MAGI1: variants seen among roughly 807,000 people sequenced by gnomAD.
MAGI1 encodes membrane-associated guanylate kinase, WW and PDZ domain-containing protein 1.
In MAGI1, 58 loss-of-function variants were observed where a neutral mutation model predicts 139.9. The observed-to-expected ratio is 0.41, with a 90% CI of 0.34 to 0.52. The LOEUF is 0.52. Ranked by LOEUF, MAGI1 falls within the 20% of genes least tolerant of loss-of-function variation. MAGI1 has a pLI of 0.12. For synonymous variants in MAGI1, 812 were observed against 737.9 expected, an observed-to-expected ratio of 1.10 and a Z score of -1.63; for missense variants, 1,874 against 1,901.6, an observed-to-expected ratio of 0.99 and a Z score of 0.27.
At chr3:65,812,460 T>TCACACACACA (rs1241847173) in intron 1 of MAGI1, among the ~76,000 whole-genome samples, 133 of 99,274 alleles carry the variant, frequency 1.3e-3, no homozygotes, top group Non-Finnish European at 2.0e-3. Flanking sequence ...TCTCTCTCTC[T>TCACACACACA]CTCTCTCTCA....
chr3:65,649,222 A>C (rs1195036154), intron 1 of MAGI1, among the ~76,000 whole-genome samples: 1 of 152,088 alleles, frequency 6.6e-6, no homozygotes, highest in African/African-American at 2.4e-5. Flanking sequence ...TCTCTAAAAA[A>C]ATACAAAAAA....
chr3:65,852,398 GAAC>G (rs2059234838), intron 1 of MAGI1, among the ~76,000 whole-genome samples: 2 of 152,102 alleles, frequency 1.3e-5, no homozygotes, highest in South Asian at 4.2e-4. Context: ...TCAGATGGTG[GAAC>G]AACATGTAAA....
chr3:65,515,146 C>G (rs1215370691), intron 2 of MAGI1, among the ~76,000 whole-genome samples: 4 of 108,078 alleles, frequency 3.7e-5, no homozygotes, highest in Non-Finnish European at 7.0e-5. Flanking sequence ...ATATCACACT[C>G]TAGGGACTGT....
chr3:65,853,964 C>G (rs947002985), intron 1 of MAGI1, among the ~76,000 whole-genome samples: 4 of 151,928 alleles, frequency 2.6e-5, no homozygotes, highest in Admixed American at 1.3e-4. Context: ...AAAAATTAGC[C>G]GGGTGTTGTG....
At chr3:65,582,796 T>A (rs1022451874) in intron 2 of MAGI1, among the ~76,000 whole-genome samples, 2 of 152,148 alleles carry the variant, frequency 1.3e-5, no homozygotes, top group Non-Finnish European at 2.9e-5. Flanking sequence ...TTTGCTTCCA[T>A]GAATGTGTGT....
chr3:65,568,199 TTGTTGA>T (rs1368454425), intron 2 of MAGI1, among the ~76,000 whole-genome samples: 1 of 152,210 alleles, frequency 6.6e-6, no homozygotes, highest in African/African-American at 2.4e-5. Flanking sequence ...GGCAAGGCAC[TTGTTGA>T]TAGTGAAGCA....
intron 1 of MAGI1, among the ~76,000 whole-genome samples, chr3:65,733,126 T>C (rs919215880): frequency 1.3e-5 from 2 of 152,000 alleles, no homozygotes; most frequent in African/African-American, 4.8e-5. Context: ...TGGCGCGATC[T>C]TGGCTCACTG....
chr3:65,929,678 G>C (rs2062700437), intron 1 of MAGI1, among the ~76,000 whole-genome samples: 1 of 151,952 alleles, frequency 6.6e-6, no homozygotes, highest in African/African-American at 2.4e-5. Context: ...ATCCACATAA[G>C]ATACTAGATA....
intron 1 of MAGI1, among the ~76,000 whole-genome samples, chr3:66,017,501 G>A (rs73833347): frequency 6.6e-6 from 1 of 152,140 alleles, no homozygotes; most frequent in Non-Finnish European, 1.5e-5. Context: ...CTGTCACCAG[G>A]CAACAATGCA....
intron 2 of MAGI1, among the ~76,000 whole-genome samples, chr3:65,621,764 T>C (rs1440246893): frequency 6.6e-6 from 1 of 152,124 alleles, no homozygotes; most frequent in Non-Finnish European, 1.5e-5. Flanking sequence ...GGGTAGATAA[T>C]TTGCCCCACA....
At chr3:65,915,687 T>G (rs967870237) in intron 1 of MAGI1, among the ~76,000 whole-genome samples, 3 of 152,158 alleles carry the variant, frequency 2.0e-5, no homozygotes. Context: ...GGCACGTAGT[T>G]CCATCAAGAG....
At chr3:65,575,385 T>G (rs1344614390) in intron 2 of MAGI1, among the ~76,000 whole-genome samples, 1 of 152,024 alleles carries the variant, frequency 6.6e-6, no homozygotes, top group Non-Finnish European at 1.5e-5. Context: ...AAGCAAGTAT[T>G]GATGAAAATG....
chr3:65,448,249 G>A (rs1948796448), intron 6 of MAGI1, 192 bp from the exon 7 acceptor site: 4 of 610,268 alleles, frequency 6.6e-6, no homozygotes, highest in South Asian at 5.9e-5. Context: ...CACAAAACGG[G>A]AAGAGCTGAT....
chr3:65,622,393 A>G (rs1226995690), intron 1 of MAGI1, among the ~76,000 whole-genome samples: 3 of 152,196 alleles, frequency 2.0e-5, no homozygotes, highest in Non-Finnish European at 4.4e-5. Context: ...ACACTTGCAG[A>G]CACTATTACT....
At chr3:65,878,067 C>T (rs576223680) in intron 1 of MAGI1, among the ~76,000 whole-genome samples, 27 of 152,042 alleles carry the variant, frequency 1.8e-4, no homozygotes, top group East Asian at 1.5e-3. Context: ...GTCATCATCA[C>T]ACCACTGCAC....
At chr3:65,530,319 C>A (rs2078584942) in intron 2 of MAGI1, among the ~76,000 whole-genome samples, 1 of 152,008 alleles carries the variant, frequency 6.6e-6, no homozygotes, top group Non-Finnish European at 1.5e-5. Context: ...TCCTTTTCTC[C>A]ATCACAAACT....
intron 12 of MAGI1, among the ~76,000 whole-genome samples, chr3:65,413,026 T>G (rs1400506009): frequency 6.6e-6 from 1 of 152,012 alleles, no homozygotes; most frequent in Non-Finnish European, 1.5e-5. Flanking sequence ...ATTACAGCAC[T>G]GGGTTCAATG....
intron 1 of MAGI1, among the ~76,000 whole-genome samples, chr3:65,758,653 C>A (rs1415494382): frequency 6.6e-6 from 1 of 152,134 alleles, no homozygotes; most frequent in African/African-American, 2.4e-5. Context: ...ATGCTACTGG[C>A]ATCTAGTGGG....
intron 18 of MAGI1, among the ~76,000 whole-genome samples, chr3:65,372,710 A>G (rs1942122283): frequency 6.6e-6 from 1 of 152,334 alleles, no homozygotes; most frequent in South Asian, 2.1e-4. Flanking sequence ...TAATAATTAA[A>G]TCCGCTGGAA....
Sources: gnomAD v4.1 joint callset for allele counts (sites outside exome capture counted in the v4.1 genomes callset) on GRCh38, gnomAD v4.1.1 for gene constraint, MANE v1.5 for transcripts, NCBI Gene and HGNC (gene_info 2026-07-23, HGNC 2026-07-21) for gene names.